ZNF559: variants seen among roughly 807,000 people sequenced by gnomAD.
The protein encoded by ZNF559 is zinc finger protein 559.
In ZNF559, 17 loss-of-function variants were observed where a neutral mutation model predicts 14.2. The observed-to-expected ratio is 1.20, with a 90% CI of 0.82 to 1.80. The LOEUF is 1.80. Among genes scored for constraint, ZNF559 ranks in the 40% most tolerant of loss-of-function variants. ZNF559 has a pLI of 0.00. For missense variants in ZNF559, 740 were observed against 629.7 expected, an observed-to-expected ratio of 1.18 and a Z score of -1.88; for synonymous variants, 244 against 212.4, an observed-to-expected ratio of 1.15 and a Z score of -1.29.
intron 4 of ZNF559, 92 bp downstream of exon 4, chr19:9,338,674 A>C (rs1376824644): frequency 1.0e-6 from 1 of 962,898 alleles, no homozygotes; most frequent in Non-Finnish European, 1.7e-6. Flanking sequence ...CCCTGCAAGC[A>C]AAGAGGGTCT....
chr19:9,327,666 T>C (rs1232931536), intron 2 of ZNF559, among the ~76,000 whole-genome samples: 4 of 152,104 alleles, frequency 2.6e-5, no homozygotes, highest in African/African-American at 9.7e-5. Flanking sequence ...TAGCTGACAG[T>C]CTTAGGTGAA....
chr19:9,340,557 T>C (rs1196162422), intron 5 of ZNF559, among the ~76,000 whole-genome samples: 1 of 134,516 alleles, frequency 7.4e-6, no homozygotes, highest in African/African-American at 2.9e-5. Flanking sequence ...TTTTTTTCTC[T>C]CTCTGTCTCT....
chr19:9,339,134 T>A, intron 4 of ZNF559, 59 bp from the exon 5 acceptor site: 1 of 1,608,540 alleles, frequency 6.2e-7, no homozygotes. Flanking sequence ...TCCCTCATTC[T>A]CCAGTCAACA....
chr19:9,339,902 G>T (rs2067455591), intron 5 of ZNF559, among the ~76,000 whole-genome samples: 1 of 148,576 alleles, frequency 6.7e-6, no homozygotes, highest in Admixed American at 6.7e-5. Context: ...CCGAGTAGCT[G>T]GGACTACAGG....
chr19:9,339,356 C>T (rs750039893), intron 5 of ZNF559, 37 bp downstream of exon 5: 2 of 1,569,682 alleles, frequency 1.3e-6, no homozygotes, highest in African/African-American at 2.7e-5. Flanking sequence ...TAGTTTTTTT[C>T]TGGAACAAAT....
chr19:9,336,621 T>C (rs2067256063), intron 2 of ZNF559, among the ~76,000 whole-genome samples: 1 of 152,022 alleles, frequency 6.6e-6, no homozygotes, highest in Non-Finnish European at 1.5e-5. Context: ...AAAACTTATG[T>C]GTTTATTATC....
chr19:9,345,375 A>G lies in ZNF559; in HGVS notation c.*2307A>G, dbSNP rs2067705899. The G allele has an allele frequency of 6.6e-6, 1 of 152,220 alleles. No individual in the cohort carries two copies. Among genetic ancestry groups the G allele is most frequent in the African/African-American group, 2.4e-5 (1 of 41,470 alleles). 9.4% of individuals were successfully genotyped at this position (152,220 alleles called of 1,614,324 possible). A position where few individuals can be genotyped will look rare whatever the true frequency, so the allele number is the denominator to read the frequency against. Reference sequence around the variant, plus strand: ...ACGTTTAAGTTTTTAAGAGACTGCTAAACCTTTCTCAAGTAGTTATGCCAT... The same window carrying G: ...ACGTTTAAGTTTTTAAGAGACTGCTGAACCTTTCTCAAGTAGTTATGCCAT... On this transcript the variant is annotated 3_prime_UTR_variant, in exon 7 of 7. Transcript: ENST00000603380.
chr19:9,331,739 T>G (rs2066945944), intron 2 of ZNF559, among the ~76,000 whole-genome samples: 1 of 152,188 alleles, frequency 6.6e-6, no homozygotes, highest in Non-Finnish European at 1.5e-5. Flanking sequence ...GATTATGGAT[T>G]TCTCTTCAAG....
Position 9,342,005 on chromosome 19 carries a change from A to G in ZNF559, c.554A>G (p.Tyr185Cys), listed in dbSNP as rs2067607391. The G allele has an allele frequency of 5.0e-6, 8 of 1,611,092 alleles. No individual in the cohort carries two copies. The highest frequency in any genetic ancestry group is 6.8e-6 in the Non-Finnish European group (8 of 1,179,192). Reference protein sequence around the residue: ...CKKTHTQEKPYKCSDCEKGLP... With the variant: ...CKKTHTQEKPCKCSDCEKGLP... ...AAAACTCACACTCAAGAGAAACCAT[A>G]TAAATGCAGTGACTGTGAAAAAGGC... Residue 185 changes from tyrosine (Y) to cysteine (C), a missense_variant, in exon 7 of 7, where the codon TAT becomes TGT. Physicochemically the swap from Tyr to Cys is radical, Grantham distance 194 (BLOSUM62 -2). Transcript: ENST00000603380.
intron 2 of ZNF559, chr19:9,330,017 C>T (rs2066854918): frequency 6.6e-6 from 1 of 152,202 alleles, no homozygotes; most frequent in South Asian, 2.1e-4. Context: ...GAATTTAATC[C>T]ATTTAAAGTA....
intron 1 of ZNF559, 189 bp from the exon 2 acceptor site, chr19:9,324,506 C>G: frequency 1.5e-6 from 2 of 1,346,160 alleles, no homozygotes; most frequent in Non-Finnish European, 9.8e-7. Context: ...GCAGAAGCCT[C>G]ATAGGGCCCG....
rs139671538 is a variant in ZNF559 at position 9,342,108 on chromosome 19, C to T, written c.657C>T (p.Val219=). The change falls in exon 7 of 7, where the codon GTC becomes GTT. Residue 219 remains valine, a synonymous_variant. Transcript: ENST00000603380. The part of the protein sequence containing the change: ...GERPYTHKEY[V]ETFSHSTALF... ...GACCATATACTCATAAGGAGTATGTCGAAACCTTTTCTCATTCTACAGCCC... is the reference window on the plus strand; with the variant it reads ...GACCATATACTCATAAGGAGTATGTTGAAACCTTTTCTCATTCTACAGCCC... 179 of 1,613,174 alleles carry T rather than the reference C, an allele frequency of 1.1e-4. No individual in the cohort carries two copies. The highest frequency in any genetic ancestry group is 1.4e-4 in the Non-Finnish European group (169 of 1,179,810).
In ZNF559 at chr19:9,344,767, TTGG is replaced by T. The variant is rs1460898255; in HGVS notation, c.*1702_*1704del. The T allele has an allele frequency of 6.6e-6, 1 of 152,242 alleles. No homozygotes were observed. Among genetic ancestry groups the T allele is most frequent in the Non-Finnish European group, 1.5e-5 (1 of 68,036 alleles). The allele number at this position is 152,242 out of a possible 1,614,324, so 9.4% of individuals were successfully genotyped here. ...ATCACTTTCATATGCTTATGAGTCT[TTGG>T]TGAAGTGTACATTTAATGATCTTTT... On this transcript the variant is annotated 3_prime_UTR_variant, in exon 7 of 7. Coordinates refer to ENST00000603380, the MANE Select transcript of ZNF559 (RefSeq NM_032497.3).
At chr19:9,341,224 G>T (rs1411667152) in intron 6 of ZNF559, 40 bp downstream of exon 6, 1 of 1,568,038 alleles carries the variant, frequency 6.4e-7, no homozygotes, top group African/African-American at 1.4e-5. Context: ...TTCCATGTTA[G>T]AGGAAGATTG....
intron 6 of ZNF559, 174 bp downstream of exon 6, chr19:9,341,358 C>T: frequency 1.3e-6 from 1 of 756,696 alleles, no homozygotes; most frequent in Middle Eastern, 2.2e-4. Context: ...ACACTCTAAA[C>T]ATCCCTCAGA....
Position 9,343,889 on chromosome 19 carries a change from T to C in ZNF559, c.*821T>C. 1.1e-5 allele frequency: 9 copies of C among 832,258 alleles called. No homozygotes were observed. Among genetic ancestry groups the C allele is most frequent in the Non-Finnish European group, 1.2e-5 (8 of 690,426 alleles). 51.6% of individuals were successfully genotyped at this position (832,258 alleles called of 1,614,324 possible). ...TTGTTCACGGTTACAGATGGAACTC[T>C]TTATTATTGAGGAGTTCCACTCTTT... is the stretch of plus-strand genomic sequence containing the variant. On this transcript the variant is annotated 3_prime_UTR_variant, in exon 7 of 7. Coordinates refer to ENST00000603380, the MANE Select transcript of ZNF559 (RefSeq NM_032497.3).
intron 2 of ZNF559, among the ~76,000 whole-genome samples, chr19:9,332,799 C>T (rs775689403): frequency 4.6e-5 from 7 of 152,132 alleles, no homozygotes; most frequent in Non-Finnish European, 1.0e-4. Context: ...TCATGGGTAT[C>T]TTCTTTCTTA....
At chr19:9,330,597 T>G (rs888498941) in intron 2 of ZNF559, among the ~76,000 whole-genome samples, 13 of 152,220 alleles carry the variant, frequency 8.5e-5, no homozygotes, top group Admixed American at 8.5e-4. Context: ...ACCCCTCTAG[T>G]TAATATTTTA....
intron 2 of ZNF559, among the ~76,000 whole-genome samples, chr19:9,326,086 T>C (rs1475058323): frequency 1.3e-5 from 2 of 150,608 alleles, no homozygotes; most frequent in South Asian, 2.1e-4. Context: ...ATCTGTTTTT[T>C]AACTAGACTA....
Sources: gnomAD v4.1 joint callset for allele counts (sites outside exome capture counted in the v4.1 genomes callset) on GRCh38, gnomAD v4.1.1 for gene constraint, MANE v1.5 for transcripts, NCBI Gene and HGNC (gene_info 2026-07-23, HGNC 2026-07-21) for gene names.